The following NUP98 variants were observed in gnomAD, a reference collection of about 807,000 sequenced individuals.
NUP98 encodes nuclear pore complex protein Nup98-Nup96.
In NUP98, 26 loss-of-function variants were observed where a neutral mutation model predicts 191.9. The ratio of observed to expected loss-of-function variants is 0.14; its 90% CI spans 0.10 to 0.19. The LOEUF (loss-of-function observed/expected upper bound fraction) is 0.19. NUP98 is among the 10% of genes least tolerant of loss of function. The pLI, the probability that NUP98 is intolerant of heterozygous loss-of-function variation, is 1.00. For missense variants in NUP98, 1,941 were observed against 2,178.8 expected (o/e 0.89, Z 2.17); for synonymous variants, 808 against 778.4 (o/e 1.04, Z -0.63).
At chr11:3,680,711 A>G (rs1190586272) in intron 30 of NUP98, among the ~76,000 whole-genome samples, 2 of 151,782 alleles carry the variant, frequency 1.3e-5, no homozygotes, top group Non-Finnish European at 2.9e-5. Context: ...AGGCCCGACT[A>G]ATTTTTTTGT....
At chr11:3,718,085 GA>G (rs1328519465) in intron 18 of NUP98, among the ~76,000 whole-genome samples, 1 of 152,154 alleles carries the variant, frequency 6.6e-6, no homozygotes, top group East Asian at 1.9e-4. Flanking sequence ...TTGCCTCATA[GA>G]ATGAGTGTGA....
At chr11:3,755,212 T>G (rs557313518) in intron 10 of NUP98, among the ~76,000 whole-genome samples, 1 of 151,708 alleles carries the variant, frequency 6.6e-6, no homozygotes, top group African/African-American at 2.4e-5. Context: ...TCCCAACACA[T>G]TGGGAGGCAG....
At chr11:3,760,719 G>A in intron 9 of NUP98, 93 bp from the exon 10 acceptor site, 1 of 948,020 alleles carries the variant, frequency 1.1e-6, no homozygotes, top group Non-Finnish European at 1.6e-6. Context: ...GGTTGGGTAT[G>A]GGGTGGGAGA....
chr11:3,779,447 G>A (rs2081873175), intron 2 of NUP98, among the ~76,000 whole-genome samples, 190 bp from the exon 3 acceptor site: 3 of 151,988 alleles, frequency 2.0e-5, no homozygotes, highest in Admixed American at 2.0e-4. Context: ...TTCAAGACCA[G>A]CCTGACCAAC....
intron 12 of NUP98, 53 bp downstream of exon 12, chr11:3,744,456 A>G (rs889153588): frequency 6.4e-7 from 1 of 1,553,942 alleles, no homozygotes; most frequent in Non-Finnish European, 8.7e-7. Flanking sequence ...AAATCAGGTC[A>G]GCAAGTATTA....
At chr11:3,763,112 A>G (rs2081228891) in intron 8 of NUP98, 73 bp from the exon 9 acceptor site, 3 of 1,447,162 alleles carry the variant, frequency 2.1e-6, no homozygotes, top group African/African-American at 2.9e-5. Flanking sequence ...GTAATAAAAA[A>G]AAAGTTACCA....
At chr11:3,763,461 C>T (rs1440610573) in intron 8 of NUP98, among the ~76,000 whole-genome samples, 2 of 152,286 alleles carry the variant, frequency 1.3e-5, no homozygotes, top group Non-Finnish European at 1.5e-5. Flanking sequence ...AAGAACTAAT[C>T]AGTATCAAGC....
Position 3,695,914 on chromosome 11 carries a change from C to T in NUP98, c.4010-308G>A, listed in dbSNP as rs184732146. ...AGCTACAAAATGGAGGAAAACAGCC[C>T]GGCATGGTGGCTAATGCCTGTAATC... On this transcript the variant is annotated intron_variant, in intron 25 of 32. Transcript: ENST00000324932. 1.7e-3 allele frequency among the ~76,000 whole-genome samples: 254 copies of T among 152,186 alleles called. 1 individual carries two copies. The highest frequency in any genetic ancestry group is 5.5e-3 in the African/African-American group (229 of 41,554).
rs1319862682 is a variant in NUP98, at chr11:3,735,294, T to C, written c.1439A>G (p.Gln480Arg). Residue 480 changes from glutamine (Q) to arginine (R), a missense_variant, in exon 13 of 33, where the codon CAG becomes CGG. Gln to Arg is a conservative substitution (Grantham distance 43, BLOSUM62 1). Transcript: ENST00000324932. ...GATGTGCTGCTGGAGAACAGCCTGC[T>C]GGGCAGCAGAAGCATTTGGATCTGT... ...ALTDPNASAA[Q>R]QAVLQQHINS... The C allele has an allele frequency of 1.3e-6, 2 of 1,567,312 alleles. No homozygotes were observed. Among genetic ancestry groups the C allele is most frequent in the Non-Finnish European group, 1.7e-6 (2 of 1,154,698 alleles).
intron 29 of NUP98, 25 bp downstream of exon 29, chr11:3,685,948 G>C: frequency 6.4e-7 from 1 of 1,572,626 alleles, no homozygotes; most frequent in Non-Finnish European, 8.7e-7. Flanking sequence ...GATGTACCCA[G>C]TGGGTTCAAC....
chr11:3,768,340 G>A (rs1049074582), intron 8 of NUP98, among the ~76,000 whole-genome samples: 34 of 151,106 alleles, frequency 2.3e-4, no homozygotes, highest in African/African-American at 8.3e-4. Flanking sequence ...AGAATGGCAT[G>A]AACCTGGGAG....
At position 3,735,748 on chromosome 11, in the gene NUP98, A is replaced by AGTGTGT. The variant is rs71041385; in HGVS notation, c.1409-430_1409-425dup. Among the ~76,000 whole-genome samples, 695 of 140,952 alleles carry AGTGTGT rather than the reference A, an allele frequency of 4.9e-3. 3 individuals carry two copies. Among genetic ancestry groups the AGTGTGT allele is most frequent in the East Asian group, 7.3e-3 (34 of 4,642 alleles). 92.5% of individuals were successfully genotyped at this position (140,952 alleles called of 152,430 possible). A position where few individuals can be genotyped will look rare whatever the true frequency, so the allele number is the denominator to read the frequency against. ...TAATACGACAGTATACAGGGCAAGT[A>AGTGTGT]GTGTGTGTGTGTGTGTGTGTGTGTG... On this transcript the variant is annotated intron_variant, in intron 12 of 32. Coordinates refer to ENST00000324932, the MANE Select transcript of NUP98 (RefSeq NM_016320.5).
intron 16 of NUP98, 63 bp downstream of exon 16, chr11:3,723,094 G>A: frequency 6.8e-7 from 1 of 1,479,056 alleles, no homozygotes. Flanking sequence ...TTGAATATCT[G>A]CAACAAGCAA....
intron 1 of NUP98, among the ~76,000 whole-genome samples, chr11:3,791,039 G>T (rs2082321032): frequency 6.6e-6 from 1 of 151,944 alleles, no homozygotes; most frequent in African/African-American, 2.4e-5. Flanking sequence ...GGGATTACAG[G>T]CGCCCGCCAC....
Position 3,713,546 on chromosome 11 carries a change from C to T in NUP98, c.2577+272G>A, listed in dbSNP as rs934313123. Among the ~76,000 whole-genome samples, 10 of 152,110 alleles carry T rather than the reference C, an allele frequency of 6.6e-5. No individual in the cohort carries two copies. In the East Asian group the frequency reaches 1.2e-3, roughly 18 times the overall value. ...CCAGCCTGGTCAACACTGAGAAACTCGATCTTTACAAACATTTTAAAAAGT... is the reference window on the plus strand; with the variant it reads ...CCAGCCTGGTCAACACTGAGAAACTTGATCTTTACAAACATTTTAAAAAGT... On this transcript the variant is annotated intron_variant, in intron 19 of 32. Coordinates refer to ENST00000324932, the MANE Select transcript of NUP98 (RefSeq NM_016320.5).
chr11:3,724,428 C>T (rs1192989119), intron 15 of NUP98, among the ~76,000 whole-genome samples: 1 of 128,352 alleles, frequency 7.8e-6, no homozygotes, highest in East Asian at 2.2e-4. Flanking sequence ...AAGAGCAAAA[C>T]TCCATCTCAA....
chr11:3,723,036 G>GA (rs1423751787), intron 16 of NUP98, 121 bp downstream of exon 16: 1 of 837,194 alleles, frequency 1.2e-6, no homozygotes, highest in Admixed American at 2.4e-5. Context: ...TCCTATGTGG[G>GA]ATCACATAAA....
At chr11:3,759,267 G>C (rs1413061970) in intron 10 of NUP98, among the ~76,000 whole-genome samples, 1 of 152,130 alleles carries the variant, frequency 6.6e-6, no homozygotes, top group Non-Finnish European at 1.5e-5. Context: ...GACAGATGCT[G>C]AATTTTGAAA....
chr11:3,725,346 C>T, intron 14 of NUP98, 127 bp from the exon 15 acceptor site: 1 of 566,070 alleles, frequency 1.8e-6, no homozygotes. Context: ...CTAAGAATAA[C>T]CTAACAAGTT....
Sources: allele counts gnomAD v4.1 joint callset (sites outside exome capture counted in the v4.1 genomes callset), GRCh38; gene constraint gnomAD v4.1.1; transcripts MANE v1.5; gene names NCBI Gene and HGNC (gene_info 2026-07-23, HGNC 2026-07-21).